The following RYR1 variants were observed in gnomAD, a reference collection of about 807,000 sequenced individuals.
The protein encoded by RYR1 is ryanodine receptor 1.
RYR1 carries 342 observed loss-of-function variants against 583.5 expected under a neutral mutation model. The ratio of observed to expected loss-of-function variants is 0.59; its 90% CI spans 0.54 to 0.64. The LOEUF is 0.64. RYR1 is among the 30% of genes least tolerant of loss of function. The probability of loss-of-function intolerance (pLI) is 0.00; values close to 1 mark genes in which losing one functional copy is unlikely to be tolerated. For missense variants in RYR1, 6,032 were observed against 6,917.2 expected, an observed-to-expected ratio of 0.87 and a Z score of 4.54; for synonymous variants, 2,791 against 2,822.5, an observed-to-expected ratio of 0.99 and a Z score of 0.35.
intron 89 of RYR1, among the ~76,000 whole-genome samples, chr19:38,560,751 GAGAA>G (rs1172944705): frequency 7.4e-4 from 92 of 124,098 alleles, no homozygotes; most frequent in African/African-American, 2.3e-3. Context: ...AAAAAAAAAA[GAGAA>G]AGAAAAAGAA....
At chr19:38,495,930 T>C (rs1049310047) in intron 39 of RYR1, among the ~76,000 whole-genome samples, 7 of 152,092 alleles carry the variant, frequency 4.6e-5, no homozygotes, top group Non-Finnish European at 1.0e-4. Flanking sequence ...GCCTGGCTAA[T>C]TTTTGTATTT....
At chr19:38,527,532 G>A in intron 72 of RYR1, 115 bp from the exon 73 acceptor site, 1 of 1,347,590 alleles carries the variant, frequency 7.4e-7, no homozygotes. Flanking sequence ...TGAAGAAGAA[G>A]AAAGGCCTCA....
At chr19:38,551,325 C>T (rs1393350669) in intron 89 of RYR1, among the ~76,000 whole-genome samples, 6 of 151,674 alleles carry the variant, frequency 4.0e-5, no homozygotes, top group African/African-American at 1.2e-4. Flanking sequence ...TCAAGTGATC[C>T]GCCCGCCTCA....
Position 38,558,972 on chromosome 19 carries a change from C to T in RYR1, c.12283-2141C>T, listed in dbSNP as rs142692569. Reference sequence around the variant, plus strand: ...AGTGTGGTGGCACACGCCTGTAGTCCCAGCTACTCAGGAGGCTGAGACAGG... The same window carrying T: ...AGTGTGGTGGCACACGCCTGTAGTCTCAGCTACTCAGGAGGCTGAGACAGG... On this transcript the variant is annotated intron_variant, in intron 89 of 105. Coordinates refer to ENST00000359596, the MANE Select transcript of RYR1 (RefSeq NM_000540.3). Among the ~76,000 whole-genome samples the T allele has an allele frequency of 3.9e-3, 592 of 151,024 alleles. 5 individuals carry two copies. Among genetic ancestry groups the T allele is most frequent in the African/African-American group, 0.014 (564 of 41,176 alleles).
At chr19:38,578,748 A>T (rs1974069232) in intron 99 of RYR1, among the ~76,000 whole-genome samples, 1 of 152,122 alleles carries the variant, frequency 6.6e-6, no homozygotes. Flanking sequence ...CCAAGATCGC[A>T]CCACTGCACT....
intron 91 of RYR1, among the ~76,000 whole-genome samples, chr19:38,566,701 G>C (rs1353371433): frequency 6.6e-6 from 1 of 152,052 alleles, no homozygotes; most frequent in South Asian, 2.1e-4. Context: ...CCGACCCTGC[G>C]CAGTGCTTTG....
intron 101 of RYR1, among the ~76,000 whole-genome samples, chr19:38,581,911 T>A (rs1974231721): frequency 6.6e-6 from 1 of 152,080 alleles, no homozygotes; most frequent in African/African-American, 2.4e-5. Context: ...CCCGGCCTTA[T>A]TTGAGCTTTT....
Position 38,515,056 on chromosome 19 carries a change from C to A in RYR1, c.9503C>A (p.Thr3168Lys). 2 of 1,613,310 alleles carry A rather than the reference C, an allele frequency of 1.2e-6. No homozygotes were observed. The highest frequency in any genetic ancestry group is 2.2e-5 in the South Asian group (2 of 91,018). The change falls in exon 64 of 106, where the codon ACG (threonine) becomes AAG (lysine). Residue 3168 changes from threonine (T) to lysine (K), a missense_variant. Thr to Lys is a moderately conservative substitution (Grantham distance 78, BLOSUM62 -1). Around this residue, in one of 11 missense-constraint regions of RYR1, gnomAD observed 1,493 missense variants for 1,715.5 expected, o/e 0.87. Transcript: ENST00000359596. ...LDDVQVSCYR[T>K]LCSIYSLGTT... ...GACGTCCAGGTCTCTTGCTACCGAA[C>A]GCTGTGCAGTATCTACTCCCTGGGA... is the stretch of plus-strand genomic sequence containing the variant.
chr19:38,457,699 C>A, intron 17 of RYR1, 69 bp downstream of exon 17: 1 of 1,501,684 alleles, frequency 6.7e-7, no homozygotes, highest in Non-Finnish European at 9.3e-7. Context: ...AGAGACTCCA[C>A]ACCCAGATGG....
In RYR1 at chr19:38,505,061, G is replaced by T; in HGVS notation, c.8290G>T (p.Glu2764Ter). Residue 2764 changes from glutamate (E) to a stop codon, truncating the protein, a stop_gained, in exon 52 of 106, where the codon GAG becomes TAG. Transcript: ENST00000359596. LOFTEE classifies it high-confidence loss of function. The part of the protein sequence containing the change: ...FINKFAEYTH[E>*]KWAFDKIQNN... Reference sequence around the variant, plus strand: ...TAACAAGTTTGCGGAGTACACACACGAGAAGTGGGCCTTCGACAAGGTTGG... The same window carrying T: ...TAACAAGTTTGCGGAGTACACACACTAGAAGTGGGCCTTCGACAAGGTTGG... 1 of 1,614,062 alleles carries T rather than the reference G, an allele frequency of 6.2e-7. No homozygotes were observed. Among genetic ancestry groups the T allele is most frequent in the South Asian group, 1.1e-5 (1 of 91,082 alleles).
At chr19:38,513,191 G>A (rs533116853) in intron 63 of RYR1, among the ~76,000 whole-genome samples, 2 of 152,134 alleles carry the variant, frequency 1.3e-5, no homozygotes, top group Admixed American at 6.6e-5. Context: ...ACAAAAATTA[G>A]CCGGGCATGG....
intron 12 of RYR1, 87 bp downstream of exon 12, chr19:38,451,972 C>A: frequency 6.4e-7 from 1 of 1,566,840 alleles, no homozygotes; most frequent in Non-Finnish European, 8.8e-7. Flanking sequence ...TCATCTCTAC[C>A]TCTGTTGCCC....
rs1218646771 is a variant in RYR1 at position 38,483,249 on chromosome 19, G to A, written c.4708-41G>A. On this transcript the variant is annotated intron_variant, in intron 32 of 105. Transcript: ENST00000359596. The surrounding 1 kb of genome is among the most constrained non-coding windows in gnomAD (Gnocchi z 6.3). ...TGGAAGTGGTGTGGTGGGACAGAGGGGGCTGGCCATCTTGACCCATGTGTG... is the reference window on the plus strand; with the variant it reads ...TGGAAGTGGTGTGGTGGGACAGAGGAGGCTGGCCATCTTGACCCATGTGTG... 2 of 1,570,610 alleles carry A rather than the reference G, an allele frequency of 1.3e-6. No individual in the cohort carries two copies. Among genetic ancestry groups the A allele is most frequent in the South Asian group, 2.3e-5 (2 of 86,872 alleles).
At chr19:38,562,373 C>T (rs1183958323) in intron 90 of RYR1, among the ~76,000 whole-genome samples, 2 of 151,962 alleles carry the variant, frequency 1.3e-5, no homozygotes, top group Non-Finnish European at 2.9e-5. Flanking sequence ...ATATGGTTCC[C>T]CTCCCCATTC....
intron 76 of RYR1, among the ~76,000 whole-genome samples, chr19:38,530,922 C>A (rs1286981000): frequency 6.6e-6 from 1 of 152,002 alleles, no homozygotes; most frequent in African/African-American, 2.4e-5. Context: ...CCTGCCTCAG[C>A]CTTCCGAGTA....
intron 27 of RYR1, among the ~76,000 whole-genome samples, chr19:38,472,285 C>G (rs1477313945): frequency 6.6e-6 from 1 of 151,908 alleles, no homozygotes; most frequent in Non-Finnish European, 1.5e-5. Flanking sequence ...ATTTTTAGTA[C>G]AGATGAGGTT....
chr19:38,532,445 G>C, intron 76 of RYR1, 45 bp from the exon 77 acceptor site: 1 of 1,603,052 alleles, frequency 6.2e-7, no homozygotes, highest in Non-Finnish European at 8.5e-7. Context: ...TAAGATGGGG[G>C]TCCTCTCCAC....
rs1257618073 is a variant in RYR1 at position 38,554,087 on chromosome 19, C to T, written c.12282+5667C>T. ...ACAAGGATGTCATTTATACCACAGA[C>T]ATTTTACATTTGTACATGTTTTACT... On this transcript the variant is annotated intron_variant, in intron 89 of 105. Coordinates refer to ENST00000359596, the MANE Select transcript of RYR1 (RefSeq NM_000540.3). Among the ~76,000 whole-genome samples the T allele has an allele frequency of 2.0e-5, 3 of 152,186 alleles. No individual in the cohort carries two copies. In the East Asian group the frequency reaches 5.8e-4, roughly 30 times the overall value.
chr19:38,573,087 C>T, intron 95 of RYR1, 90 bp from the exon 96 acceptor site: 2 of 1,580,498 alleles, frequency 1.3e-6, no homozygotes, highest in East Asian at 2.3e-5. Flanking sequence ...GGGTCACACA[C>T]AGACCCCAGC....
Sources: allele counts gnomAD v4.1 joint callset (sites outside exome capture counted in the v4.1 genomes callset), GRCh38; gene constraint gnomAD v4.1.1; regional missense constraint gnomAD v4.1.1; non-coding constraint Gnocchi (gnomAD v3.1); transcripts MANE v1.5; gene names NCBI Gene and HGNC (gene_info 2026-07-23, HGNC 2026-07-21).